Variants in PCBP3 observed in about 807,000 individuals in gnomAD.
PCBP3 encodes the protein poly(rC) binding protein 3.
PCBP3 carries 25 observed loss-of-function variants against 52.7 expected under a neutral mutation model. The observed-to-expected ratio is 0.47, with a 90% CI of 0.35 to 0.66. The LOEUF is 0.66. Ranked by LOEUF, PCBP3 falls within the 30% of genes least tolerant of loss-of-function variation. PCBP3 has a pLI of 0.01. For missense variants in PCBP3, 391 were observed against 490.3 expected (o/e 0.80, Z 1.91); for synonymous variants, 162 against 183.0 (o/e 0.89, Z 0.93).
intron 6 of PCBP3, among the ~76,000 whole-genome samples, chr21:45,898,505 G>C (rs1438734463): frequency 7.9e-5 from 9 of 113,560 alleles, no homozygotes; most frequent in African/African-American, 2.8e-4. Context: ...TCGCCATCCT[G>C]ACGGCCTCCC....
chr21:45,926,736 A>T (rs1158380193), intron 13 of PCBP3, among the ~76,000 whole-genome samples: 1 of 152,248 alleles, frequency 6.6e-6, no homozygotes, highest in Non-Finnish European at 1.5e-5. Flanking sequence ...ATGTGTCAAG[A>T]ACTCCAACAC....
intron 2 of PCBP3, among the ~76,000 whole-genome samples, chr21:45,701,161 A>G (rs1055119961): frequency 6.6e-6 from 1 of 152,226 alleles, no homozygotes; most frequent in Admixed American, 6.5e-5. Flanking sequence ...GTTTCCTTCC[A>G]ATGTTAGTCT....
chr21:45,710,371 G>T (rs35779140), intron 2 of PCBP3, among the ~76,000 whole-genome samples: 7,742 of 152,062 alleles, frequency 0.051, 269 homozygotes, highest in Non-Finnish European at 0.08. Flanking sequence ...TGTTCTCATT[G>T]TTCAATTCCC....
At chr21:45,932,917 C>G (rs898914863) in intron 15 of PCBP3, among the ~76,000 whole-genome samples, 1 of 151,922 alleles carries the variant, frequency 6.6e-6, no homozygotes, top group Non-Finnish European at 1.5e-5. Flanking sequence ...ATCAGCCAAG[C>G]TATCCTGAGA....
chr21:45,810,560 C>T (rs777881893), intron 4 of PCBP3, among the ~76,000 whole-genome samples: 12 of 152,126 alleles, frequency 7.9e-5, no homozygotes, highest in East Asian at 1.9e-4. Context: ...CATCTGTGCC[C>T]GGCCAATTTT....
intron 4 of PCBP3, among the ~76,000 whole-genome samples, chr21:45,808,917 T>C (rs952675141): frequency 6.6e-6 from 1 of 152,174 alleles, no homozygotes; most frequent in Non-Finnish European, 1.5e-5. Context: ...GAAATCATCA[T>C]TCTCAGCAAA....
intron 4 of PCBP3, among the ~76,000 whole-genome samples, chr21:45,801,179 T>G (rs2092287939): frequency 6.6e-6 from 1 of 152,198 alleles, no homozygotes; most frequent in Non-Finnish European, 1.5e-5. Flanking sequence ...GAAGGTCACA[T>G]CCACTTCCCT....
intron 2 of PCBP3, among the ~76,000 whole-genome samples, chr21:45,710,113 T>C (rs1344486468): frequency 2.6e-5 from 4 of 152,210 alleles, no homozygotes; most frequent in African/African-American, 4.8e-5. Flanking sequence ...GAGGTGTGTT[T>C]GTCAGATTTC....
At chr21:45,863,625 C>T (rs1018787799) in intron 5 of PCBP3, among the ~76,000 whole-genome samples, 1 of 152,238 alleles carries the variant, frequency 6.6e-6, no homozygotes, top group East Asian at 1.9e-4. Context: ...CAGCCTCCCT[C>T]GGTGGAGAGC....
At chr21:45,655,888 A>G (rs376061721) in intron 1 of PCBP3, among the ~76,000 whole-genome samples, 2 of 152,370 alleles carry the variant, frequency 1.3e-5, no homozygotes, top group East Asian at 3.9e-4. Flanking sequence ...AGACACATGA[A>G]AAAATGCTCA....
rs556062576 is a variant in PCBP3 at position 45,746,924 on chromosome 21, C to T, written c.-161-8493C>T. Among the ~76,000 whole-genome samples, 143 of 93,866 alleles carry T rather than the reference C, an allele frequency of 1.5e-3. 1 individual carries two copies. The highest frequency in any genetic ancestry group is 6.4e-3 in the South Asian group (17 of 2,666). The allele number at this position is 93,866 out of a possible 152,430, so 61.6% of individuals were successfully genotyped here. ...GCACACGGTGTTGTGTCAGCATCGC[C>T]GTGTCAGTCCATTGACGTAGCGCAC... On this transcript the variant is annotated intron_variant, in intron 3 of 17. Transcript: ENST00000681687.
chr21:45,715,852 G>A (rs902449313), intron 2 of PCBP3, among the ~76,000 whole-genome samples: 5 of 151,914 alleles, frequency 3.3e-5, no homozygotes, highest in Admixed American at 1.3e-4. Context: ...TATTGTTCTA[G>A]GAATTCTTTT....
At position 45,737,911 on chromosome 21, in the gene PCBP3, G is replaced by C. The variant is rs1159051320; in HGVS notation, c.-162+2482G>C. 6.6e-6 allele frequency among the ~76,000 whole-genome samples: 1 copy of C among 152,238 alleles called. No homozygotes were observed. Among genetic ancestry groups the C allele is most frequent in the Non-Finnish European group, 1.5e-5 (1 of 68,042 alleles). ...GAGTGGATGTTTCCCAGGGGAGCCAGTAGTTTTGGAAGCACTTGGTTTTTC... is the reference window on the plus strand; with the variant it reads ...GAGTGGATGTTTCCCAGGGGAGCCACTAGTTTTGGAAGCACTTGGTTTTTC... On this transcript the variant is annotated intron_variant, in intron 3 of 17. Transcript: ENST00000681687. This position sits in a 1 kb window ranked among gnomAD's most constrained non-coding sequence, Gnocchi z 4.9.
At chr21:45,834,987 G>A (rs2093548421) in intron 4 of PCBP3, among the ~76,000 whole-genome samples, 1 of 152,236 alleles carries the variant, frequency 6.6e-6, no homozygotes, top group Non-Finnish European at 1.5e-5. Context: ...CTCGGGGTGG[G>A]CAGCGCCACT....
chr21:45,743,399 A>G (rs1468752719), intron 3 of PCBP3, among the ~76,000 whole-genome samples: 2 of 152,140 alleles, frequency 1.3e-5, no homozygotes, highest in Admixed American at 6.5e-5. Flanking sequence ...TTTTATTGCT[A>G]TTTATTAAGT....
intron 3 of PCBP3, among the ~76,000 whole-genome samples, chr21:45,752,345 T>G (rs960581050): frequency 6.6e-6 from 1 of 152,054 alleles, no homozygotes; most frequent in Non-Finnish European, 1.5e-5. Flanking sequence ...CTTCCTTTTT[T>G]TTCCAGTTTA....
At chr21:45,900,527 T>C (rs897638965) in intron 7 of PCBP3, 64 bp from the exon 8 acceptor site, 3 of 1,345,696 alleles carry the variant, frequency 2.2e-6, no homozygotes, top group Non-Finnish European at 3.2e-6. Flanking sequence ...CCACCCACCA[T>C]GGGCCGCGCC....
chr21:45,669,803 G>GCA (rs2081044067), intron 2 of PCBP3, among the ~76,000 whole-genome samples: 1 of 54,406 alleles, frequency 1.8e-5, no homozygotes, highest in African/African-American at 9.1e-5. Context: ...GTGTGTGTGT[G>GCA]TGTATATATA....
At chr21:45,895,460 G>A (rs760221032) in intron 5 of PCBP3, among the ~76,000 whole-genome samples, 6 of 152,164 alleles carry the variant, frequency 3.9e-5, no homozygotes, top group Non-Finnish European at 8.8e-5. Context: ...CTCGGAGCAG[G>A]GTCCCCACCG....
Sources: gnomAD v4.1 joint callset for allele counts (sites outside exome capture counted in the v4.1 genomes callset) on GRCh38, gnomAD v4.1.1 for gene constraint, Gnocchi (gnomAD v3.1) non-coding constraint, MANE v1.5 for transcripts, NCBI Gene and HGNC (gene_info 2026-07-23, HGNC 2026-07-21) for gene names.